Variants in TMEM62 observed in about 807,000 individuals in gnomAD.
The protein encoded by TMEM62 is transmembrane protein 62.
In TMEM62, 41 loss-of-function variants were observed where a neutral mutation model predicts 70.4. The ratio of observed to expected loss-of-function variants is 0.58; its 90% CI spans 0.45 to 0.76. TMEM62 has a LOEUF of 0.76. TMEM62 is among the 30% of genes least tolerant of loss of function. The pLI is 0.00. For missense variants in TMEM62, 688 were observed against 788.5 expected (o/e 0.87, Z 1.53); for synonymous variants, 268 against 291.0 (o/e 0.92, Z 0.80).
chr15:43,166,564 T>C (rs1057376880), intron 10 of TMEM62, among the ~76,000 whole-genome samples: 1 of 151,978 alleles, frequency 6.6e-6, no homozygotes, highest in Non-Finnish European at 1.5e-5. Context: ...TTTCTTTTTT[T>C]TTTTTTTTTT....
At position 43,166,766 on chromosome 15, in the gene TMEM62, T is replaced by C. The variant is rs1470759246; in HGVS notation, c.1297-2827T>C. 6.6e-5 allele frequency among the ~76,000 whole-genome samples: 10 copies of C among 152,302 alleles called. No individual in the cohort carries two copies. The South Asian group carries it at 1.9e-3, about 28-fold the overall frequency. Reference sequence around the variant, plus strand: ...GGGAGTGGTGATGCCTTCAAGCATCTGTTTAACAAAGCACATCTTGCACCG... The same window carrying C: ...GGGAGTGGTGATGCCTTCAAGCATCCGTTTAACAAAGCACATCTTGCACCG... On this transcript the variant is annotated intron_variant, in intron 10 of 13. Transcript: ENST00000260403.
At chr15:43,150,631 T>C (rs2141675708) in intron 7 of TMEM62, among the ~76,000 whole-genome samples, 1 of 152,374 alleles carries the variant, frequency 6.6e-6, no homozygotes, top group Middle Eastern at 3.4e-3. Context: ...TTCATTTGTA[T>C]AAATTCAATA....
intron 11 of TMEM62, among the ~76,000 whole-genome samples, chr15:43,177,764 C>T (rs1205902342): frequency 6.6e-6 from 1 of 151,842 alleles, no homozygotes; most frequent in African/African-American, 2.4e-5. Context: ...AACCAAACAC[C>T]GTATGTTCTC....
chr15:43,164,405 T>C (rs534368893), intron 10 of TMEM62, among the ~76,000 whole-genome samples: 1 of 152,290 alleles, frequency 6.6e-6, no homozygotes, highest in Non-Finnish European at 1.5e-5. Flanking sequence ...GTATATTTAC[T>C]GTTGCCAGTG....
chr15:43,135,466 A>G (rs2035081260), intron 2 of TMEM62, 46 bp from the exon 3 acceptor site: 14 of 1,552,736 alleles, frequency 9.0e-6, no homozygotes, highest in Non-Finnish European at 1.2e-5. Flanking sequence ...TGGAACCCCC[A>G]GTAGTTTATT....
chr15:43,166,950 A>C (rs1360493516), intron 10 of TMEM62, among the ~76,000 whole-genome samples: 1 of 152,224 alleles, frequency 6.6e-6, no homozygotes, highest in Non-Finnish European at 1.5e-5. Flanking sequence ...CTACACAGAC[A>C]CGGCAACCAT....
chr15:43,168,167 G>C lies in TMEM62; in HGVS notation c.1297-1426G>C, dbSNP rs557624053. Among the ~76,000 whole-genome samples the C allele has an allele frequency of 1.3e-3, 99 of 75,886 alleles. 2 individuals are homozygous for C. The highest frequency in any genetic ancestry group is 2.3e-3 in the Non-Finnish European group (88 of 38,086). 49.8% of individuals were successfully genotyped at this position (75,886 alleles called of 152,430 possible). A position where few individuals can be genotyped will look rare whatever the true frequency, so the allele number is the denominator to read the frequency against. Reference sequence around the variant, plus strand: ...AGAGAGAGGGAGAGGGAGAGGGAGAGGGAGACGGAGACGGAGAGGGAGAGG... The same window carrying C: ...AGAGAGAGGGAGAGGGAGAGGGAGACGGAGACGGAGACGGAGAGGGAGAGG... On this transcript the variant is annotated intron_variant, in intron 10 of 13. Coordinates refer to ENST00000260403, the MANE Select transcript of TMEM62 (RefSeq NM_024956.4).
chr15:43,156,590 TA>T, intron 9 of TMEM62, among the ~76,000 whole-genome samples: 1 of 152,114 alleles, frequency 6.6e-6, no homozygotes, highest in South Asian at 2.1e-4. Flanking sequence ...ATTATTTTCT[TA>T]ATAAGATATA....
intron 12 of TMEM62, chr15:43,180,925 T>A (rs2041269613): frequency 3.4e-6 from 1 of 294,896 alleles, no homozygotes; most frequent in South Asian, 1.2e-4. Flanking sequence ...CTTTTTTTGT[T>A]TCTAGAATCT....
At chr15:43,180,868 T>G (rs192970058) in intron 12 of TMEM62, 1 of 192,340 alleles carries the variant, frequency 5.2e-6, no homozygotes, top group Admixed American at 5.8e-5. Flanking sequence ...GTTAATGCAT[T>G]ATATTGAGGT....
At chr15:43,172,334 A>G (rs1008600117) in intron 11 of TMEM62, among the ~76,000 whole-genome samples, 2 of 152,242 alleles carry the variant, frequency 1.3e-5, no homozygotes, top group African/African-American at 4.8e-5. Context: ...TAGATTACTT[A>G]TGAAAACTAA....
At chr15:43,169,924 G>A (rs1020183297) in intron 11 of TMEM62, 14 of 321,174 alleles carry the variant, frequency 4.4e-5, no homozygotes, top group South Asian at 2.4e-4. Flanking sequence ...GCATTGCTTC[G>A]GCCCCAAAAG....
At chr15:43,175,866 G>A (rs796545038) in intron 11 of TMEM62, among the ~76,000 whole-genome samples, 7 of 152,366 alleles carry the variant, frequency 4.6e-5, no homozygotes, top group African/African-American at 1.2e-4. Context: ...TGCGTGAGCC[G>A]AAGCAGGGCG....
rs763700907 is a variant in TMEM62 at position 43,138,628 on chromosome 15, A to C, written c.476+9A>C. On this transcript the variant is annotated intron_variant, in intron 4 of 13. Transcript: ENST00000260403. ...ATCAAGAATTATTACAGGTACTGTA[A>C]TAAACAGAAGACAGACCACTATGTA... The C allele has an allele frequency of 6.3e-7, 1 of 1,596,408 alleles. No homozygotes were observed. Among genetic ancestry groups the C allele is most frequent in the Admixed American group, 1.7e-5 (1 of 58,890 alleles).
chr15:43,181,958 G>A (rs2041373127), intron 13 of TMEM62, among the ~76,000 whole-genome samples: 1 of 152,128 alleles, frequency 6.6e-6, no homozygotes, highest in Non-Finnish European at 1.5e-5. Flanking sequence ...TTATGATGAT[G>A]AAGAAGGAAA....
chr15:43,133,795 C>G lies in TMEM62; in HGVS notation c.-8C>G. On this transcript the variant is annotated 5_prime_UTR_variant, in exon 1 of 14. Coordinates refer to ENST00000260403, the MANE Select transcript of TMEM62 (RefSeq NM_024956.4). Reference sequence around the variant, plus strand: ...TCAGCGAGGGCCGCGCCCCGGCGGGCGGGCGGCATGGCTGCAGTGCTGGCT... The same window carrying G: ...TCAGCGAGGGCCGCGCCCCGGCGGGGGGGCGGCATGGCTGCAGTGCTGGCT... 1 of 1,359,454 alleles carries G rather than the reference C, an allele frequency of 7.4e-7. No homozygotes were observed. Among genetic ancestry groups the G allele is most frequent in the East Asian group, 3.1e-5 (1 of 32,420 alleles). The allele number at this position is 1,359,454 out of a possible 1,614,324, so 84.2% of individuals were successfully genotyped here.
chr15:43,173,323 A>G (rs1205295766), intron 11 of TMEM62, among the ~76,000 whole-genome samples: 2 of 152,206 alleles, frequency 1.3e-5, no homozygotes, highest in Non-Finnish European at 2.9e-5. Flanking sequence ...TCTTATATCC[A>G]GTCTCTCTAT....
chr15:43,184,059 C>T (rs927571269), intron 13 of TMEM62: 5 of 594,098 alleles, frequency 8.4e-6, no homozygotes, highest in Non-Finnish European at 1.5e-5. Context: ...ATGATACCTG[C>T]CTCTAAGATG....
intron 11 of TMEM62, among the ~76,000 whole-genome samples, chr15:43,172,498 A>T (rs1490039812): frequency 6.6e-6 from 1 of 152,212 alleles, no homozygotes; most frequent in Non-Finnish European, 1.5e-5. Flanking sequence ...CATTAAATCA[A>T]CTATATTAAA....
Sources: gnomAD v4.1 joint callset for allele counts (sites outside exome capture counted in the v4.1 genomes callset) on GRCh38, gnomAD v4.1.1 for gene constraint, MANE v1.5 for transcripts, NCBI Gene and HGNC (gene_info 2026-07-23, HGNC 2026-07-21) for gene names.